Variants in CYP4A11 observed in about 807,000 individuals in gnomAD.
The protein encoded by CYP4A11 is cytochrome P450 family 4 subfamily A member 11.
Under a neutral mutation model 57.7 loss-of-function variants are expected in CYP4A11, and 52 were observed. The ratio of observed to expected loss-of-function variants is 0.90; its 90% confidence interval spans 0.72 to 1.14. The LOEUF (loss-of-function observed/expected upper bound fraction) is 1.14. Among genes scored for constraint, CYP4A11 ranks in the 50% most tolerant of loss-of-function variants. The probability of loss-of-function intolerance (pLI) is 0.00; values close to 1 mark genes in which losing one functional copy is unlikely to be tolerated. For synonymous variants in CYP4A11, 228 were observed against 247.1 expected, an observed-to-expected ratio of 0.92 and a Z score of 0.72; for missense variants, 641 against 642.1, an observed-to-expected ratio of 1.00 and a Z score of 0.02.
chr1:46,940,544 A>C (rs896210731), intron 1 of CYP4A11: 1 of 421,882 alleles, frequency 2.4e-6, no homozygotes, highest in African/African-American at 2.2e-5. Context: ...CACCCTGTTC[A>C]ATGTGCAACT....
At chr1:46,939,583 C>G (rs146182856) in intron 1 of CYP4A11, among the ~76,000 whole-genome samples, 2,535 of 152,228 alleles carry the variant, frequency 0.017, 36 homozygotes, top group South Asian at 0.046. Flanking sequence ...AGAAGAATCC[C>G]ACACTTATGA....
intron 11 of CYP4A11, chr1:46,931,954 G>C: frequency 2.0e-6 from 2 of 984,210 alleles, no homozygotes; most frequent in Non-Finnish European, 2.4e-6. Context: ...ATACCAGGAG[G>C]CTTCAAATGT....
chr1:46,933,267 A>C (rs1411982698), intron 9 of CYP4A11, among the ~76,000 whole-genome samples: 1 of 152,256 alleles, frequency 6.6e-6, no homozygotes, highest in African/African-American at 2.4e-5. Flanking sequence ...GAGAAGCAAG[A>C]AAGAATCAGA....
chr1:46,931,452 T>C lies in CYP4A11; in HGVS notation c.1365-1142A>G, dbSNP rs9333024. 4.7e-3 allele frequency: 3,778 copies of C among 808,750 alleles called. 93 individuals carry two copies. In the African/African-American group the frequency reaches 0.063, roughly 13 times the overall value. 50.1% of individuals were successfully genotyped at this position (808,750 alleles called of 1,614,324 possible). ...ATTTCTGTACAACACATTTTTGTAC[T>C]TTTTATCTCTGTTTTCTCATCATGC... On this transcript the variant is annotated intron_variant, in intron 11 of 11. Coordinates refer to ENST00000310638, the MANE Select transcript of CYP4A11 (RefSeq NM_000778.4).
At chr1:46,931,981 A>G (rs1338908849) in intron 11 of CYP4A11, 1 of 985,128 alleles carries the variant, frequency 1.0e-6, no homozygotes, top group Non-Finnish European at 1.2e-6. Context: ...TTATATGATA[A>G]TTATTGGGCT....
rs770644604 is a variant in CYP4A11, at chr1:46,936,811, GTGTT to G, written c.383-24_383-21del. The G allele has an allele frequency of 5.9e-5, 88 of 1,497,104 alleles. No homozygotes were observed. The highest frequency in any genetic ancestry group is 5.0e-4 in the East Asian group (21 of 41,660). 92.7% of individuals were successfully genotyped at this position (1,497,104 alleles called of 1,614,324 possible). Reference sequence around the variant, plus strand: ...CGTACCCTAAGAGAGACATGAATGTGTGTTTGTGTGTGTGTGTGTGTGTGTGTGT... The same window carrying G: ...CGTACCCTAAGAGAGACATGAATGTGTGTGTGTGTGTGTGTGTGTGTGTGT... On this transcript the variant is annotated intron_variant, in intron 3 of 11. Coordinates refer to ENST00000310638, the MANE Select transcript of CYP4A11 (RefSeq NM_000778.4).
chr1:46,941,397 C>G lies in CYP4A11; in HGVS notation c.37G>C (p.Gly13Arg). The G allele has an allele frequency of 6.2e-7, 1 of 1,614,152 alleles. No individual in the cohort carries two copies. Among genetic ancestry groups the G allele is most frequent in the Non-Finnish European group, 8.5e-7 (1 of 1,180,022 alleles). Residue 13 changes from glycine to arginine, a missense_variant, in exon 1 of 12, where the codon GGT (glycine) becomes CGT (arginine). Gly to Arg is a moderately radical substitution (Grantham distance 125). Transcript: ENST00000310638. ...VSVLSPSRLL[G>R]DVSGILQAAS... ...GCTTGGAGGATTCCAGAGACATCAC[C>G]CAGGAGTCTGCTGGGGCTCAGCACA...
At position 46,938,135 on chromosome 1, in the gene CYP4A11, G is replaced by A; in HGVS notation, c.198C>T (p.Leu66=). The A allele has an allele frequency of 6.2e-7, 1 of 1,614,170 alleles. No individual in the cohort carries two copies. Among genetic ancestry groups the A allele is most frequent in the Non-Finnish European group, 8.5e-7 (1 of 1,180,026 alleles). ...SHWLFGHIQE[L]QQDQELQRIQ... ...TCCGTTGTAGCTCCTGGTCCTGTTG[G>A]AGCTGTCAACAAGGGTAGACAGATG... The change falls in exon 2 of 12, where the codon CTC becomes CTT. Residue 66 remains leucine, a splice_region_variant and synonymous_variant. Transcript: ENST00000310638.
rs1345188629 is a variant in CYP4A11 at position 46,935,065 on chromosome 1, A to G, written c.725T>C (p.Ile242Thr). Residue 242 changes from isoleucine to threonine, a missense_variant, in exon 6 of 12, where the codon ATC becomes ACC. Ile to Thr is a moderately conservative substitution (Grantham distance 89, BLOSUM62 -1). Transcript: ENST00000310638. The stretch of plus-strand genomic sequence containing the variant: ...GCGGCCAGCAGAGGTCAGGCTGTAG[A>G]TGGTGTCATTCTGGTGAAAGGCATT... ...VRNAFHQNDT[I>T]YSLTSAGRWT... 2.5e-6 allele frequency: 4 copies of G among 1,614,158 alleles called. No homozygotes were observed. Among genetic ancestry groups the G allele is most frequent in the Non-Finnish European group, 3.4e-6 (4 of 1,180,030 alleles).
chr1:46,932,901 G>T (rs1295197979), intron 10 of CYP4A11, 64 bp from the exon 11 acceptor site: 4 of 1,613,970 alleles, frequency 2.5e-6, no homozygotes, highest in Non-Finnish European at 3.4e-6. Context: ...ACCCATGGGG[G>T]ACAGGACTCC....
At chr1:46,933,838 A>G in intron 9 of CYP4A11, 108 bp downstream of exon 9, 1 of 1,494,590 alleles carries the variant, frequency 6.7e-7, no homozygotes, top group Non-Finnish European at 9.0e-7. Flanking sequence ...TTTTTTTAGA[A>G]CAAAAGGGAG....
In CYP4A11 at chr1:46,941,443, C is replaced by T. The variant is rs200658809; in HGVS notation, c.-10G>A. 142 of 1,611,882 alleles carry T rather than the reference C, an allele frequency of 8.8e-5. 2 individuals are homozygous for T. The East Asian group carries it at 1.1e-3, about 12-fold the overall frequency. ...GCACAGAGACACTCATGGTGCAGCACCTGCTGGATCTCTGAGTGCCCCTAC... is the reference window on the plus strand; with the variant it reads ...GCACAGAGACACTCATGGTGCAGCATCTGCTGGATCTCTGAGTGCCCCTAC... On this transcript the variant is annotated 5_prime_UTR_variant, in exon 1 of 12. The change creates a new upstream start codon in the 5' untranslated region. Coordinates refer to ENST00000310638, the MANE Select transcript of CYP4A11 (RefSeq NM_000778.4).
chr1:46,930,245 C>G lies in CYP4A11; in HGVS notation c.1430G>C (p.Arg477Pro). 1 of 1,614,088 alleles carries G rather than the reference C, an allele frequency of 6.2e-7. No individual in the cohort carries two copies. The highest frequency in any genetic ancestry group is 8.5e-7 in the Non-Finnish European group (1 of 1,179,990). Residue 477 changes from arginine (R) to proline (P), a missense_variant, in exon 12 of 12, where the codon CGC (arginine) becomes CCC (proline). Physicochemically the swap from Arg to Pro is moderately radical, Grantham distance 103. Coordinates refer to ENST00000310638, the MANE Select transcript of CYP4A11 (RefSeq NM_000778.4). ...GGTGGGATCAGGCAGCAGCTCAAAG[C>G]GGAGCAGGGTCAGGGCCGTGGCCAC... ...LKVATALTLL[R>P]FELLPDPTRI...
intron 11 of CYP4A11, chr1:46,931,721 G>A: frequency 1.5e-6 from 1 of 658,732 alleles, no homozygotes; most frequent in Non-Finnish European, 1.9e-6. Flanking sequence ...GTTTCAGGAG[G>A]AAGCTTTTTC....
chr1:46,938,873 T>C (rs1416192746), intron 1 of CYP4A11, among the ~76,000 whole-genome samples: 3 of 152,244 alleles, frequency 2.0e-5, no homozygotes, highest in East Asian at 3.8e-4. Flanking sequence ...TTCTCTTTTC[T>C]TGCCTCCAGC....
At chr1:46,941,207 C>T in intron 1 of CYP4A11, 32 bp downstream of exon 1, 1 of 1,595,500 alleles carries the variant, frequency 6.3e-7, no homozygotes, top group Admixed American at 1.7e-5. Context: ...TCCCTCTTTG[C>T]CCTCCCACTC....
chr1:46,936,713 A>T lies in CYP4A11; in HGVS notation c.461T>A (p.Ile154Asn). Residue 154 changes from isoleucine (I) to asparagine (N), a missense_variant, in exon 4 of 12, where the codon ATC (isoleucine) becomes AAC (asparagine). Coordinates refer to ENST00000310638, the MANE Select transcript of CYP4A11 (RefSeq NM_000778.4). ...CATGAGCCCCACATAGGGCTTCAGGATGTCATAGTGGAAGGCTGGGGTCAG... is the reference window on the plus strand; with the variant it reads ...CATGAGCCCCACATAGGGCTTCAGGTTGTCATAGTGGAAGGCTGGGGTCAG... ...RMLTPAFHYD[I>N]LKPYVGLMAD... is the part of the protein sequence containing the mutation. The T allele has an allele frequency of 6.2e-7, 1 of 1,613,856 alleles. No individual in the cohort carries two copies. The highest frequency in any genetic ancestry group is 8.5e-7 in the Non-Finnish European group (1 of 1,179,924).
At chr1:46,934,915 T>C in intron 6 of CYP4A11, 85 bp downstream of exon 6, 1 of 1,557,714 alleles carries the variant, frequency 6.4e-7, no homozygotes, top group Admixed American at 1.9e-5. Flanking sequence ...GCAGGGTTAC[T>C]AGGGGCCTTC....
Position 46,934,981 on chromosome 1 carries a change from CAA to C in CYP4A11, c.790+17_790+18del, listed in dbSNP as rs1557553623. On this transcript the variant is annotated intron_variant, in intron 6 of 11. Coordinates refer to ENST00000310638, the MANE Select transcript of CYP4A11 (RefSeq NM_000778.4). Reference sequence around the variant, plus strand: ...GCTGTGCCTGGGAAAGGCTGGGAGACAAGAGGAAAAGACAGAACCTGTGTGCT... The same window carrying C: ...GCTGTGCCTGGGAAAGGCTGGGAGACGAGGAAAAGACAGAACCTGTGTGCT... The C allele has an allele frequency of 1.2e-6, 2 of 1,608,920 alleles. No individual in the cohort carries two copies. Among genetic ancestry groups the C allele is most frequent in the Non-Finnish European group, 1.7e-6 (2 of 1,176,858 alleles).
Sources: allele counts gnomAD v4.1 joint callset (sites outside exome capture counted in the v4.1 genomes callset), GRCh38; gene constraint gnomAD v4.1.1; transcripts MANE v1.5; gene names NCBI Gene and HGNC (gene_info 2026-07-23, HGNC 2026-07-21).